The following CNTNAP5 variants were observed in gnomAD, a reference collection of about 807,000 sequenced individuals.
CNTNAP5 encodes the protein contactin associated protein family member 5.
In CNTNAP5, 72 loss-of-function variants were observed where a neutral mutation model predicts 150.2. The ratio of observed to expected loss-of-function variants is 0.48; its 90% CI spans 0.40 to 0.58. The LOEUF is 0.58. Ranked by LOEUF, CNTNAP5 falls within the 20% of genes least tolerant of loss-of-function variation. The probability of loss-of-function intolerance (pLI) is 0.00; values close to 1 mark genes in which losing one functional copy is unlikely to be tolerated. For synonymous variants in CNTNAP5, 672 were observed against 619.8 expected (o/e 1.08, Z -1.25); for missense variants, 1,636 against 1,626.2 (o/e 1.01, Z -0.10).
chr2:124,527,256 C>A, intron 9 of CNTNAP5, 29 bp from the exon 10 acceptor site: 3 of 1,597,748 alleles, frequency 1.9e-6, no homozygotes, highest in Middle Eastern at 3.7e-4. Context: ...TTTCAGCATT[C>A]TTCTTCATCT....
At chr2:124,788,644 A>G (rs13383356) in intron 17 of CNTNAP5, among the ~76,000 whole-genome samples, 11,601 of 139,638 alleles carry the variant, frequency 0.083, 800 homozygotes, top group African/African-American at 0.19. Flanking sequence ...CCTGTGGCCC[A>G]GGCTGGAATG....
chr2:124,178,734 G>A (rs902944900), intron 1 of CNTNAP5, among the ~76,000 whole-genome samples: 1 of 151,890 alleles, frequency 6.6e-6, no homozygotes, highest in African/African-American at 2.4e-5. Context: ...TTTGGTTTTG[G>A]ACTTTTTTTA....
At chr2:124,280,038 T>C (rs922098276) in intron 3 of CNTNAP5, among the ~76,000 whole-genome samples, 3 of 152,134 alleles carry the variant, frequency 2.0e-5, no homozygotes, top group Non-Finnish European at 4.4e-5. Context: ...AAATTTAGTG[T>C]TCTCTCAACT....
At chr2:124,906,680 C>A (rs1038478482) in intron 22 of CNTNAP5, among the ~76,000 whole-genome samples, 1 of 152,030 alleles carries the variant, frequency 6.6e-6, no homozygotes, top group East Asian at 1.9e-4. Flanking sequence ...TCTGTAGTGC[C>A]CAGTCCAATA....
At chr2:124,353,286 C>CAAAAAA (rs565907115) in intron 3 of CNTNAP5, among the ~76,000 whole-genome samples, 11 of 88,270 alleles carry the variant, frequency 1.2e-4, no homozygotes, top group East Asian at 8.0e-4. Context: ...AAAAACAGAC[C>CAAAAAA]AAAAAAAAAA....
chr2:124,749,947 G>T (rs1463583524), intron 14 of CNTNAP5, among the ~76,000 whole-genome samples: 2 of 152,024 alleles, frequency 1.3e-5, no homozygotes, highest in Non-Finnish European at 2.9e-5. Flanking sequence ...ACTTTCCACT[G>T]ATCTCTTCCA....
intron 4 of CNTNAP5, among the ~76,000 whole-genome samples, chr2:124,430,164 C>A (rs1483615033): frequency 6.6e-6 from 1 of 151,990 alleles, no homozygotes; most frequent in Non-Finnish European, 1.5e-5. Context: ...AGGTGGGAAC[C>A]GACAGATGAG....
intron 3 of CNTNAP5, among the ~76,000 whole-genome samples, chr2:124,391,797 A>C (rs1490908678): frequency 4.6e-5 from 7 of 152,086 alleles, no homozygotes; most frequent in Non-Finnish European, 1.0e-4. Context: ...CTACTAAAAA[A>C]TACAAAAAAT....
intron 14 of CNTNAP5, among the ~76,000 whole-genome samples, chr2:124,759,868 A>G (rs1435220894): frequency 7.2e-6 from 1 of 138,962 alleles, no homozygotes; most frequent in Non-Finnish European, 1.5e-5. Context: ...CAATGCCTGC[A>G]TTTGCTTTGG....
chr2:124,226,126 T>C (rs1034520545), intron 2 of CNTNAP5, among the ~76,000 whole-genome samples: 1 of 152,156 alleles, frequency 6.6e-6, no homozygotes, highest in African/African-American at 2.4e-5. Context: ...TTCAGATATA[T>C]ACAAAGTAGT....
chr2:124,601,687 C>T (rs55866441), intron 11 of CNTNAP5, among the ~76,000 whole-genome samples: 84,779 of 151,914 alleles, frequency 0.56, 24,241 homozygotes, highest in African/African-American at 0.6. Flanking sequence ...AAATAATATT[C>T]AAAGGAAAAA....
At chr2:124,297,649 TA>T (rs1688468346) in intron 3 of CNTNAP5, among the ~76,000 whole-genome samples, 1 of 151,892 alleles carries the variant, frequency 6.6e-6, no homozygotes, top group Admixed American at 6.6e-5. Context: ...CTTCTTCCCT[TA>T]AGACTTAAGT....
intron 13 of CNTNAP5, among the ~76,000 whole-genome samples, chr2:124,662,541 T>A (rs773242390): frequency 6.6e-6 from 1 of 152,160 alleles, no homozygotes; most frequent in Non-Finnish European, 1.5e-5. Context: ...ATCTTGTTAG[T>A]CCAGTTATAT....
chr2:124,472,561 TTA>T (rs1007079337), intron 6 of CNTNAP5, among the ~76,000 whole-genome samples: 7 of 150,066 alleles, frequency 4.7e-5, no homozygotes, highest in South Asian at 4.2e-4. Flanking sequence ...ATAAGGTGTT[TTA>T]TATATATATA....
chr2:124,173,431 A>C (rs1286410355), intron 1 of CNTNAP5, among the ~76,000 whole-genome samples: 1 of 152,210 alleles, frequency 6.6e-6, no homozygotes, highest in Non-Finnish European at 1.5e-5. Flanking sequence ...GTGAAGAAAA[A>C]GTTCCTGAAG....
At chr2:124,210,157 G>A (rs1685969188) in intron 1 of CNTNAP5, among the ~76,000 whole-genome samples, 1 of 152,042 alleles carries the variant, frequency 6.6e-6, no homozygotes, top group South Asian at 2.1e-4. Flanking sequence ...CTGTCTTTGG[G>A]TAATTAAAAA....
At chr2:124,478,570 A>G (rs550608849) in intron 7 of CNTNAP5, among the ~76,000 whole-genome samples, 2 of 152,228 alleles carry the variant, frequency 1.3e-5, no homozygotes, top group South Asian at 4.1e-4. Flanking sequence ...TATCTCCTTT[A>G]GGAATTTCTT....
chr2:124,027,212 TTC>T (rs1331009860), intron 1 of CNTNAP5, among the ~76,000 whole-genome samples: 1 of 152,258 alleles, frequency 6.6e-6, no homozygotes, highest in Non-Finnish European at 1.5e-5. Flanking sequence ...CTTTTTCTTC[TTC>T]TGTGGAATTG....
intron 13 of CNTNAP5, among the ~76,000 whole-genome samples, chr2:124,674,537 T>TTCTTTCTC (rs1678895638): frequency 6.9e-6 from 1 of 145,884 alleles, no homozygotes; most frequent in Non-Finnish European, 1.5e-5. Context: ...CTTTCTTTCT[T>TTCTTTCTC]TCTTTCTTTC....
Sources: gnomAD v4.1 joint callset for allele counts (sites outside exome capture counted in the v4.1 genomes callset) on GRCh38, gnomAD v4.1.1 for gene constraint, MANE v1.5 for transcripts, NCBI Gene and HGNC (gene_info 2026-07-23, HGNC 2026-07-21) for gene names.